The following KLF8 variants were observed in gnomAD, a reference collection of about 807,000 sequenced individuals.
The protein encoded by KLF8 is Krueppel-like factor 8.
A neutral mutation model predicts 18.2 loss-of-function variants in KLF8; 10 were observed. That is an observed-to-expected ratio of 0.55 (90% CI 0.34 to 0.93). KLF8 has a LOEUF of 0.93. Ranked by LOEUF, KLF8 falls within the 40% of genes least tolerant of loss-of-function variation. KLF8 has a pLI of 0.02. For missense variants in KLF8, 264 were observed against 277.9 expected (o/e 0.95, Z 0.36); for synonymous variants, 109 against 97.3 (o/e 1.12, Z -0.71).
chrX:56,264,741 T>C (rs1351774208), intron 2 of KLF8, among the ~76,000 whole-genome samples: 2 of 111,617 alleles, frequency 1.8e-5, no homozygotes, highest in African/African-American at 6.5e-5. Flanking sequence ...GAATGAGTCA[T>C]TCCCTTTTGT....
chrX:55,981,528 C>T, the KLF8 span, among the ~76,000 whole-genome samples: 4 of 112,116 alleles, frequency 3.6e-5, no homozygotes, highest in East Asian at 2.8e-4. Context: ...CCTTCTAAGA[C>T]GAGGAAATTA....
At chrX:56,219,901 G>C in the KLF8 span, among the ~76,000 whole-genome samples, 1 of 111,959 alleles carries the variant, frequency 8.9e-6, no homozygotes, top group Non-Finnish European at 1.9e-5. Flanking sequence ...CTGAACATTG[G>C]GGGGCAGTAG....
chrX:56,223,060 GGAGGCGCCAAGAGCGA>G, the KLF8 span, among the ~76,000 whole-genome samples: 1 of 113,345 alleles, frequency 8.8e-6, no homozygotes, highest in Admixed American at 9.2e-5. Context: ...CGGAGGCCAG[GGAGGCGCCAAGAGCGA>G]GCCAGGGCTG....
At chrX:56,114,530 A>C in the KLF8 span, among the ~76,000 whole-genome samples, 4 of 112,986 alleles carry the variant, frequency 3.5e-5, no homozygotes, top group Non-Finnish European at 7.5e-5. Flanking sequence ...TCTATTATCC[A>C]GCAGGCAAAA....
At chrX:55,971,920 G>A in the KLF8 span, among the ~76,000 whole-genome samples, 1 of 110,832 alleles carries the variant, frequency 9.0e-6, no homozygotes, top group Non-Finnish European at 1.9e-5. Flanking sequence ...ATGCTGGTGA[G>A]GATATGGACA....
the KLF8 span, among the ~76,000 whole-genome samples, chrX:55,949,861 G>C: frequency 9.0e-6 from 1 of 110,842 alleles, no homozygotes; most frequent in South Asian, 3.9e-4. Context: ...ACTCTCCCGG[G>C]ACAAATGCTC....
At chrX:56,127,658 C>A in the KLF8 span, among the ~76,000 whole-genome samples, 5 of 110,909 alleles carry the variant, frequency 4.5e-5, no homozygotes, top group East Asian at 1.4e-3. Context: ...AGAGCAAGGG[C>A]CCTGTATCAA....
chrX:55,974,343 GAA>G, the KLF8 span, among the ~76,000 whole-genome samples: 211 of 110,768 alleles, frequency 1.9e-3, no homozygotes, highest in African/African-American at 6.8e-3. Flanking sequence ...AACAGAAATA[GAA>G]AAAGAGTTGT....
At chrX:55,922,050 A>G in the KLF8 span, among the ~76,000 whole-genome samples, 10 of 112,677 alleles carry the variant, frequency 8.9e-5, no homozygotes, top group African/African-American at 3.2e-4. Context: ...TGTGGAAGAC[A>G]GTGTGGCAAT....
At chrX:56,273,415 C>T (rs1237060588) in intron 5 of KLF8, among the ~76,000 whole-genome samples, 2 of 109,376 alleles carry the variant, frequency 1.8e-5, no homozygotes, top group South Asian at 4.0e-4. Flanking sequence ...AAATGTTAGG[C>T]CTTATTCATT....
the KLF8 span, among the ~76,000 whole-genome samples, chrX:56,135,671 G>A: frequency 9.1e-6 from 1 of 110,304 alleles, no homozygotes; most frequent in African/African-American, 3.3e-5. Context: ...TGCACATTGT[G>A]CACATGTACC....
chrX:56,233,352 C>T lies in KLF8; in HGVS notation c.7+11C>T. On this transcript the variant is annotated intron_variant, in intron 1 of 5. Coordinates refer to ENST00000468660, the MANE Select transcript of KLF8 (RefSeq NM_007250.5). ...CTAGTGACATGGTCGGTAAGTGACTCTGGGACTAATACCCACCCACTCCCA... is the reference window on the plus strand; with the variant it reads ...CTAGTGACATGGTCGGTAAGTGACTTTGGGACTAATACCCACCCACTCCCA... 1 of 1,155,144 alleles carries T rather than the reference C, an allele frequency of 8.7e-7. No homozygotes were observed. The highest frequency in any genetic ancestry group is 1.2e-6 in the Non-Finnish European group (1 of 843,939).
chrX:56,176,802 C>A, the KLF8 span, among the ~76,000 whole-genome samples: 1 of 111,669 alleles, frequency 9.0e-6, no homozygotes, highest in Non-Finnish European at 1.9e-5. Flanking sequence ...TTGTTCATTT[C>A]TTTTTATTCT....
the KLF8 span, among the ~76,000 whole-genome samples, chrX:55,982,844 T>C: frequency 8.9e-6 from 1 of 112,173 alleles, no homozygotes; most frequent in Non-Finnish European, 1.9e-5. Context: ...CTTTTCTGTC[T>C]CCCTGTCAGA....
At chrX:56,175,955 A>G in the KLF8 span, among the ~76,000 whole-genome samples, 3 of 111,032 alleles carry the variant, frequency 2.7e-5, no homozygotes, top group African/African-American at 9.8e-5. Context: ...TGCTTGGCAA[A>G]TCTTCCTCCA....
the KLF8 span, among the ~76,000 whole-genome samples, chrX:56,079,824 C>A: frequency 9.0e-6 from 1 of 110,707 alleles, no homozygotes; most frequent in Admixed American, 9.6e-5. Flanking sequence ...TTATGAATCT[C>A]GGTGCTCCTG....
At chrX:56,241,706 A>G (rs757134175) in intron 1 of KLF8, among the ~76,000 whole-genome samples, 1 of 112,235 alleles carries the variant, frequency 8.9e-6, no homozygotes, top group Non-Finnish European at 1.9e-5. Context: ...ACAACAGTGA[A>G]GCCTGATCTA....
chrX:55,959,914 G>A, the KLF8 span, among the ~76,000 whole-genome samples: 2 of 110,103 alleles, frequency 1.8e-5, no homozygotes, highest in African/African-American at 6.7e-5. Flanking sequence ...AATTACTATA[G>A]GAGATGACCA....
the KLF8 span, among the ~76,000 whole-genome samples, chrX:56,086,148 G>A: frequency 1.8e-5 from 2 of 112,168 alleles, no homozygotes; most frequent in African/African-American, 6.5e-5. Context: ...CGGTGATTTG[G>A]GGACGGGTAC....
Sources: allele counts gnomAD v4.1 joint callset (sites outside exome capture counted in the v4.1 genomes callset), GRCh38; gene constraint gnomAD v4.1.1; transcripts MANE v1.5; gene names NCBI Gene and HGNC (gene_info 2026-07-23, HGNC 2026-07-21).